The following KDM4C variants were observed in gnomAD, a reference collection of about 807,000 sequenced individuals.
KDM4C encodes the protein lysine demethylase 4C, also known as lysine-specific demethylase 4C.
In KDM4C, 81 loss-of-function variants were observed where a neutral mutation model predicts 129.3. That is an observed-to-expected ratio of 0.63 (90% CI 0.52 to 0.75). The LOEUF is 0.75. Ranked by LOEUF, KDM4C falls within the 30% of genes least tolerant of loss-of-function variation. The probability of loss-of-function intolerance (pLI) is 0.00; values close to 1 mark genes in which losing one functional copy is unlikely to be tolerated. For synonymous variants in KDM4C, 573 were observed against 456.1 expected, an observed-to-expected ratio of 1.26 and a Z score of -3.26; for missense variants, 1,457 against 1,304.0, an observed-to-expected ratio of 1.12 and a Z score of -1.81.
chr9:6,881,871 T>TA (rs1554623907), intron 6 of KDM4C, among the ~76,000 whole-genome samples: 1 of 152,194 alleles, frequency 6.6e-6, no homozygotes, highest in Non-Finnish European at 1.5e-5. Flanking sequence ...ATTAAAATGA[T>TA]AAAATAATGC....
At chr9:6,792,111 C>T (rs1253758990) in intron 1 of KDM4C, among the ~76,000 whole-genome samples, 1 of 152,122 alleles carries the variant, frequency 6.6e-6, no homozygotes. Flanking sequence ...GAGGCAGAGG[C>T]TGGCGGATTG....
intron 8 of KDM4C, among the ~76,000 whole-genome samples, chr9:6,898,014 G>C (rs1442789615): frequency 6.6e-6 from 1 of 152,140 alleles, no homozygotes; most frequent in Non-Finnish European, 1.5e-5. Flanking sequence ...TCACAGGTCT[G>C]CTTCCTGGCC....
intron 1 of KDM4C, among the ~76,000 whole-genome samples, chr9:6,774,704 A>T (rs1047923730): frequency 6.6e-6 from 1 of 152,190 alleles, no homozygotes; most frequent in African/African-American, 2.4e-5. Context: ...GCAGATATTT[A>T]TAGAAATATA....
intron 18 of KDM4C, among the ~76,000 whole-genome samples, chr9:7,122,157 C>T (rs1266079586): frequency 6.6e-6 from 1 of 151,600 alleles, no homozygotes; most frequent in African/African-American, 2.4e-5. Flanking sequence ...CCTCAGAAAA[C>T]CTACAATCAT....
chr9:7,162,365 A>C (rs1843891798), intron 19 of KDM4C, among the ~76,000 whole-genome samples: 1 of 152,200 alleles, frequency 6.6e-6, no homozygotes, highest in South Asian at 2.1e-4. Context: ...CGTTAGGAGG[A>C]GGCTGAGCAG....
rs1321064075 is a variant in KDM4C at position 7,102,106 on chromosome 9, GTA to G, written c.2425-1573_2425-1572del. On this transcript the variant is annotated intron_variant, in intron 17 of 21. Transcript: ENST00000381309. ...TTTATGGTTCTGTGTATTTGTGTGT[GTA>G]TATATGTGTGTGATTTTTTAATCAG... Among the ~76,000 whole-genome samples the G allele has an allele frequency of 5.3e-5, 8 of 152,278 alleles. No individual in the cohort carries two copies. The East Asian group carries it at 1.5e-3, about 29-fold the overall frequency.
At chr9:7,142,819 T>C (rs992047778) in intron 19 of KDM4C, among the ~76,000 whole-genome samples, 4 of 152,126 alleles carry the variant, frequency 2.6e-5, no homozygotes, top group Admixed American at 2.0e-4. Context: ...GCTTCTCATA[T>C]ATCCTCCCAG....
At chr9:7,158,826 G>A (rs1217693159) in intron 19 of KDM4C, among the ~76,000 whole-genome samples, 1 of 152,180 alleles carries the variant, frequency 6.6e-6, no homozygotes, top group Non-Finnish European at 1.5e-5. Flanking sequence ...TGTTGATTTG[G>A]GGTGGAGAGT....
At chr9:6,840,328 C>G (rs995368319) in intron 4 of KDM4C, among the ~76,000 whole-genome samples, 11 of 152,048 alleles carry the variant, frequency 7.2e-5, no homozygotes, top group African/African-American at 2.2e-4. Context: ...CTGCCTTGGC[C>G]TCCTGAAATG....
chr9:6,982,775 A>C (rs890881945), intron 9 of KDM4C: 1 of 152,250 alleles, frequency 6.6e-6, no homozygotes, highest in Non-Finnish European at 1.5e-5. Context: ...GGTATTAACC[A>C]CAGTGGGCCT....
intron 4 of KDM4C, among the ~76,000 whole-genome samples, chr9:6,846,172 T>G (rs963622085): frequency 6.6e-5 from 10 of 152,162 alleles, no homozygotes; most frequent in Non-Finnish European, 1.5e-4. Context: ...GGATGATATG[T>G]TGTGTTTTGA....
chr9:6,782,813 A>C (rs1824654653), intron 1 of KDM4C, among the ~76,000 whole-genome samples: 1 of 152,204 alleles, frequency 6.6e-6, no homozygotes, highest in South Asian at 2.1e-4. Flanking sequence ...ATATAGATGT[A>C]TGGAAGAGAA....
chr9:6,910,288 T>C (rs1227887501), intron 8 of KDM4C, among the ~76,000 whole-genome samples: 1 of 152,212 alleles, frequency 6.6e-6, no homozygotes, highest in Admixed American at 6.5e-5. Context: ...TTTAAATGGC[T>C]AAACTTCATT....
At chr9:6,871,779 G>C (rs1842851521) in intron 5 of KDM4C, among the ~76,000 whole-genome samples, 3 of 152,214 alleles carry the variant, frequency 2.0e-5, no homozygotes, top group African/African-American at 7.2e-5. Context: ...CTACAAGGTA[G>C]ATGAAAATGG....
chr9:7,117,579 G>C (rs1214281830), intron 18 of KDM4C, among the ~76,000 whole-genome samples: 3 of 146,792 alleles, frequency 2.0e-5, no homozygotes, highest in African/African-American at 7.6e-5. Context: ...GAGTATTTTC[G>C]GTTCTTCACA....
chr9:7,155,968 CCCA>C (rs1843127253), intron 19 of KDM4C, among the ~76,000 whole-genome samples: 2 of 152,320 alleles, frequency 1.3e-5, no homozygotes, highest in African/African-American at 2.4e-5. Context: ...AATTTACACT[CCCA>C]CCAACAGTGT....
intron 11 of KDM4C, 168 bp downstream of exon 11, chr9:6,986,834 A>C (rs1481675567): frequency 5.3e-5 from 29 of 551,458 alleles, no homozygotes; most frequent in Non-Finnish European, 7.9e-5. Flanking sequence ...GCCTCCTGTG[A>C]GCTGTGGCTC....
At chr9:7,053,392 A>T (rs963422584) in intron 17 of KDM4C, among the ~76,000 whole-genome samples, 2 of 152,158 alleles carry the variant, frequency 1.3e-5, no homozygotes, top group African/African-American at 4.8e-5. Flanking sequence ...CCTCTTATGT[A>T]TAATGGCCAG....
chr9:7,090,263 A>G (rs1167296191), intron 17 of KDM4C, among the ~76,000 whole-genome samples: 2 of 152,232 alleles, frequency 1.3e-5, no homozygotes, highest in African/African-American at 2.4e-5. Context: ...TACCTCTTCT[A>G]GGACCATTTT....
Sources: allele counts gnomAD v4.1 joint callset (sites outside exome capture counted in the v4.1 genomes callset), GRCh38; gene constraint gnomAD v4.1.1; transcripts MANE v1.5; gene names NCBI Gene and HGNC (gene_info 2026-07-23, HGNC 2026-07-21).